Variants in TRPC3 observed in about 807,000 individuals in gnomAD.
TRPC3 encodes short transient receptor potential channel 3.
TRPC3 carries 54 observed loss-of-function variants against 90.9 expected under a neutral mutation model. That is an observed-to-expected ratio of 0.59 (90% confidence interval 0.48 to 0.75). The LOEUF (loss-of-function observed/expected upper bound fraction) is 0.75, where lower values mean the gene tolerates loss of function less well. TRPC3 is among the 30% of genes least tolerant of loss of function. The pLI is 0.00. For synonymous variants in TRPC3, 424 were observed against 450.9 expected, an observed-to-expected ratio of 0.94 and a Z score of 0.75; for missense variants, 918 against 1,194.5, an observed-to-expected ratio of 0.77 and a Z score of 3.41.
chr4:121,925,331 C>CAA, intron 2 of TRPC3, 125 bp from the exon 3 acceptor site: 2 of 1,043,936 alleles, frequency 1.9e-6, no homozygotes, highest in South Asian at 3.6e-5. Context: ...CACCTGGATG[C>CAA]AAGGCTTGTT....
In TRPC3 at chr4:121,943,405, T is replaced by C. The variant is rs533231966; in HGVS notation, c.215+8061A>G. ...TTACACCACAAAAGTATTTGGTGCA[T>C]TCTCTATCTCTTGATTTTGATTTTA... is the stretch of plus-strand genomic sequence containing the variant. On this transcript the variant is annotated intron_variant, in intron 1 of 11. Coordinates refer to ENST00000379645, the MANE Select transcript of TRPC3 (RefSeq NM_001130698.2). 1.2e-4 allele frequency among the ~76,000 whole-genome samples: 18 copies of C among 152,344 alleles called. No homozygotes were observed. In the South Asian group the frequency reaches 3.7e-3, roughly 32 times the overall value.
rs530514565 is a variant in TRPC3 at position 121,891,505 on chromosome 4, AATATGCCATTT to A, written c.2547+8096_2547+8106del. Among the ~76,000 whole-genome samples the A allele has an allele frequency of 6.6e-5, 10 of 152,310 alleles. No homozygotes were observed. The South Asian group carries it at 2.1e-3, about 32-fold the overall frequency. ...AGTGGATCAGAATATGTCACCCCAA[AATATGCCATTT>A]TGGCATAAGGATTATTTTGAGCTAA... On this transcript the variant is annotated intron_variant, in intron 10 of 11. Coordinates refer to ENST00000379645, the MANE Select transcript of TRPC3 (RefSeq NM_001130698.2).
intron 1 of TRPC3, among the ~76,000 whole-genome samples, chr4:121,937,769 C>T (rs573218862): frequency 6.6e-6 from 1 of 152,330 alleles, no homozygotes; most frequent in South Asian, 2.1e-4. Context: ...CCTCACTCCC[C>T]TGCCCCTCTC....
At position 121,877,778 on chromosome 4, in the gene TRPC3, C is replaced by CA. The variant is rs199924407; in HGVS notation, c.*1957dup. On this transcript the variant is annotated 3_prime_UTR_variant, in exon 12 of 12. Coordinates refer to ENST00000379645, the MANE Select transcript of TRPC3 (RefSeq NM_001130698.2). ...GCTCTACAGTTGTGAGGGGCATGGA[C>CA]AAAAAAAAAAAAAAAAAAAAGTCAG... Among the ~76,000 whole-genome samples the CA allele has an allele frequency of 4.3e-4, 52 of 119,640 alleles. No individual in the cohort carries two copies. The highest frequency in any genetic ancestry group is 7.6e-4 in the Non-Finnish European group (43 of 56,334). 78.5% of individuals were successfully genotyped at this position (119,640 alleles called of 152,430 possible). A position where few individuals can be genotyped will look rare whatever the true frequency, so the allele number is the denominator to read the frequency against.
chr4:121,899,223 G>GA (rs1036183190), intron 10 of TRPC3, among the ~76,000 whole-genome samples: 6 of 151,998 alleles, frequency 3.9e-5, no homozygotes, highest in Non-Finnish European at 5.9e-5. Flanking sequence ...AAAACCTAGA[G>GA]AAAAAACAAG....
chr4:121,882,892 A>C (rs1442449377), intron 10 of TRPC3, among the ~76,000 whole-genome samples: 1 of 152,118 alleles, frequency 6.6e-6, no homozygotes, highest in Non-Finnish European at 1.5e-5. Flanking sequence ...AAAGATAATC[A>C]CTGTTTTCAT....
In TRPC3 at chr4:121,881,483, T is replaced by C. The variant is rs371856639; in HGVS notation, c.2623+871A>G. 7.2e-5 allele frequency among the ~76,000 whole-genome samples: 11 copies of C among 152,296 alleles called. 1 individual carries two copies. In the South Asian group the frequency reaches 2.1e-3, roughly 29 times the overall value. ...TCCAATCCTTTCTCCTGAGACAGAT[T>C]GATTAGGTCACCATGATTAGATTTT... On this transcript the variant is annotated intron_variant, in intron 11 of 11. Coordinates refer to ENST00000379645, the MANE Select transcript of TRPC3 (RefSeq NM_001130698.2).
chr4:121,881,218 T>G (rs1418250728), intron 11 of TRPC3, among the ~76,000 whole-genome samples: 2 of 152,140 alleles, frequency 1.3e-5, no homozygotes, highest in Admixed American at 1.3e-4. Context: ...ACTCTTCAGA[T>G]TTTAGTTTCC....
At position 121,904,457 on chromosome 4, in the gene TRPC3, G is replaced by T. The variant is rs112487014; in HGVS notation, c.2118C>A (p.Ser706=). The change falls in exon 8 of 12, where the codon TCC becomes TCA. Residue 706 remains serine (S), a synonymous_variant. Coordinates refer to ENST00000379645, the MANE Select transcript of TRPC3 (RefSeq NM_001130698.2). The part of the protein sequence containing the change: ...WSIFGLSEVT[S]VVLKYDHKFI... ...ATTTGTGATCATATTTGAGCACAAC[G>T]GAAGTCACTTCAGACAACCCAAATA... is the stretch of plus-strand genomic sequence containing the variant. The T allele has an allele frequency of 6.7e-4, 1,077 of 1,598,114 alleles. 2 individuals are homozygous for T. Among genetic ancestry groups the T allele is most frequent in the Non-Finnish European group, 8.6e-4 (1,010 of 1,174,366 alleles).
intron 8 of TRPC3, among the ~76,000 whole-genome samples, chr4:121,904,097 C>T (rs1476475940): frequency 6.6e-6 from 1 of 152,080 alleles, no homozygotes; most frequent in Non-Finnish European, 1.5e-5. Context: ...TGAGAGAAGG[C>T]GGAGCAGCAG....
chr4:121,916,997 G>A (rs936929118), intron 3 of TRPC3, among the ~76,000 whole-genome samples: 1 of 152,140 alleles, frequency 6.6e-6, no homozygotes, highest in African/African-American at 2.4e-5. Flanking sequence ...TTACAGGCAT[G>A]AGCCACCACG....
At chr4:121,893,801 T>C (rs1400501636) in intron 10 of TRPC3, among the ~76,000 whole-genome samples, 1 of 152,114 alleles carries the variant, frequency 6.6e-6, no homozygotes, top group Non-Finnish European at 1.5e-5. Flanking sequence ...CAAAAAGCCC[T>C]TCAAGTAAAG....
intron 3 of TRPC3, among the ~76,000 whole-genome samples, chr4:121,923,839 C>T (rs975818402): frequency 6.6e-6 from 1 of 152,144 alleles, no homozygotes; most frequent in African/African-American, 2.4e-5. Context: ...TGTAAATTGA[C>T]CAACTTCATA....
At chr4:121,904,045 A>G (rs1434413234) in intron 8 of TRPC3, among the ~76,000 whole-genome samples, 1 of 152,154 alleles carries the variant, frequency 6.6e-6, no homozygotes, top group Non-Finnish European at 1.5e-5. Context: ...TAGGGCCAAT[A>G]CTTCTTCTAG....
intron 9 of TRPC3, among the ~76,000 whole-genome samples, chr4:121,900,847 G>T (rs371499324): frequency 6.6e-6 from 1 of 152,138 alleles, no homozygotes; most frequent in Admixed American, 6.5e-5. Context: ...GGAAGTCGAG[G>T]AACAAGCCTC....
chr4:121,903,054 C>G lies in TRPC3; in HGVS notation c.2261G>C (p.Ser754Thr). Reference sequence around the variant, plus strand: ...ACGAGCAAACTTCCATTCTACATCACTGTCATCCTGTGTCACAAAAATAGA... The same window carrying G: ...ACGAGCAAACTTCCATTCTACATCAGTGTCATCCTGTGTCACAAAAATAGA... ...NSSYQEIEDD[S>T]DVEWKFARSK... The change falls in exon 9 of 12, where the codon AGT becomes ACT. Residue 754 changes from serine to threonine, a missense_variant. Around this residue, in one of 4 missense-constraint regions of TRPC3, gnomAD observed 121 missense variants for 135.7 expected, o/e 0.89. Transcript: ENST00000379645. 6.2e-7 allele frequency: 1 copy of G among 1,601,280 alleles called. No individual in the cohort carries two copies. Among genetic ancestry groups the G allele is most frequent in the Non-Finnish European group, 8.5e-7 (1 of 1,175,498 alleles).
chr4:121,912,024 C>G lies in TRPC3; in HGVS notation c.1411G>C (p.Gly471Arg). ...TCTGAGGCATTGAACACAAGCAGAC[C>G]CAGGAAGATGATGAAAGAAGCTGCA... ...AHAASFIIFLGLLVFNASDRF... is the reference protein window; with the variant it reads ...AHAASFIIFLRLLVFNASDRF... Residue 471 changes from glycine to arginine, a missense_variant, in exon 5 of 12, where the codon GGT becomes CGT. Coordinates refer to ENST00000379645, the MANE Select transcript of TRPC3 (RefSeq NM_001130698.2). The G allele has an allele frequency of 1.2e-6, 2 of 1,613,658 alleles. No individual in the cohort carries two copies. Among genetic ancestry groups the G allele is most frequent in the Middle Eastern group, 3.3e-4 (2 of 6,062 alleles).
intron 3 of TRPC3, among the ~76,000 whole-genome samples, chr4:121,923,853 C>G (rs1464152189): frequency 6.6e-6 from 1 of 152,168 alleles, no homozygotes; most frequent in Non-Finnish European, 1.5e-5. Flanking sequence ...CTTCATAAAA[C>G]CAGAGCTGAT....
chr4:121,902,991 G>GT lies in TRPC3; in HGVS notation c.2323dup (p.Thr775AsnfsTer11). On this transcript the variant is annotated frameshift_variant, in exon 9 of 12. Coordinates refer to ENST00000379645, the MANE Select transcript of TRPC3 (RefSeq NM_001130698.2). LOFTEE classifies it high-confidence loss of function. ...AACTAGACTGAAAGGTGGAGGTAAT[G>GT]TTTTTCCATCATCAAAATAGGATAA... The GT allele has an allele frequency of 6.2e-7, 1 of 1,613,428 alleles. No individual in the cohort carries two copies. Among genetic ancestry groups the GT allele is most frequent in the Non-Finnish European group, 8.5e-7 (1 of 1,179,724 alleles).
Sources: allele counts gnomAD v4.1 joint callset (sites outside exome capture counted in the v4.1 genomes callset), GRCh38; gene constraint gnomAD v4.1.1; regional missense constraint gnomAD v4.1.1; transcripts MANE v1.5; gene names NCBI Gene and HGNC (gene_info 2026-07-23, HGNC 2026-07-21).